MOCOS: variants seen among roughly 807,000 people sequenced by gnomAD.
The protein encoded by MOCOS is molybdenum cofactor sulfurase.
A neutral mutation model predicts 83.6 loss-of-function variants in MOCOS; 86 were observed. The observed-to-expected ratio is 1.03, with a 90% CI of 0.86 to 1.23. The LOEUF is 1.23. Among genes scored for constraint, MOCOS ranks in the 50% most tolerant of loss-of-function variants. The probability of loss-of-function intolerance (pLI) is 0.00; values close to 1 mark genes in which losing one functional copy is unlikely to be tolerated. For synonymous variants in MOCOS, 445 were observed against 434.7 expected (o/e 1.02, Z -0.29); for missense variants, 1,120 against 1,126.9 (o/e 0.99, Z 0.09).
chr18:36,267,932 G>C (rs1170528233), intron 14 of MOCOS, among the ~76,000 whole-genome samples: 2 of 152,136 alleles, frequency 1.3e-5, no homozygotes, highest in East Asian at 3.8e-4. Context: ...CAATCCCCTA[G>C]CCTGGGGCCT....
intron 9 of MOCOS, among the ~76,000 whole-genome samples, chr18:36,222,241 A>T (rs1732361811): frequency 6.6e-6 from 1 of 152,178 alleles, no homozygotes; most frequent in Non-Finnish European, 1.5e-5. Flanking sequence ...TATTTTGGAT[A>T]AGTACCCAGA....
At chr18:36,201,388 G>A (rs1203474952) in intron 4 of MOCOS, among the ~76,000 whole-genome samples, 1 of 152,224 alleles carries the variant, frequency 6.6e-6, no homozygotes, top group Non-Finnish European at 1.5e-5. Context: ...ATTGGGTCGG[G>A]TGTGGTGGCT....
chr18:36,200,361 G>T (rs2091408797), intron 4 of MOCOS, 37 bp downstream of exon 4: 1 of 1,612,024 alleles, frequency 6.2e-7, no homozygotes, highest in Non-Finnish European at 8.5e-7. Flanking sequence ...GAGGAGTTCA[G>T]CAAGGTGGGG....
chr18:36,195,535 G>A (rs942902614), intron 2 of MOCOS, among the ~76,000 whole-genome samples, 189 bp downstream of exon 2: 2 of 152,202 alleles, frequency 1.3e-5, no homozygotes, highest in Admixed American at 6.5e-5. Flanking sequence ...GGGATGGAGG[G>A]AGCTGGCTCA....
At chr18:36,232,662 G>A (rs954780503) in intron 9 of MOCOS, among the ~76,000 whole-genome samples, 1 of 151,930 alleles carries the variant, frequency 6.6e-6, no homozygotes, top group Non-Finnish European at 1.5e-5. Context: ...ACCCGTCCCT[G>A]CTTTTGGTAA....
intron 8 of MOCOS, among the ~76,000 whole-genome samples, chr18:36,218,842 TTTATTTA>T (rs2091484793): frequency 9.5e-6 from 1 of 105,148 alleles, no homozygotes; most frequent in Non-Finnish European, 2.0e-5. Context: ...TTTTATTTTA[TTTATTTA>T]TTTATTTATT....
intron 1 of MOCOS, among the ~76,000 whole-genome samples, chr18:36,193,583 TAACTC>T (rs1480907613): frequency 1.3e-5 from 2 of 152,088 alleles, no homozygotes; most frequent in Non-Finnish European, 2.9e-5. Context: ...ATTCAAAAAT[TAACTC>T]AATGGATCAA....
At chr18:36,259,464 A>AG (rs2091654377) in intron 12 of MOCOS, among the ~76,000 whole-genome samples, 1 of 151,788 alleles carries the variant, frequency 6.6e-6, no homozygotes, top group African/African-American at 2.4e-5. Flanking sequence ...AAAAAAAAAA[A>AG]AAGGTATCAG....
rs1598599819 is a variant in MOCOS, at chr18:36,270,940, A to T, written c.*2255A>T. The T allele has an allele frequency of 6.6e-6, 1 of 151,304 alleles. No homozygotes were observed. The highest frequency in any genetic ancestry group is 1.5e-5 in the Non-Finnish European group (1 of 67,908). 9.4% of individuals were successfully genotyped at this position (151,304 alleles called of 1,614,324 possible). On this transcript the variant is annotated 3_prime_UTR_variant, in exon 15 of 15. Coordinates refer to ENST00000261326, the MANE Select transcript of MOCOS (RefSeq NM_017947.4). The stretch of plus-strand genomic sequence containing the variant: ...AGCGATTCCCCTGCCTCAGCCTCCC[A>T]AGTAGCTGGGACTACAGGCACACAT...
At chr18:36,252,142 A>T (rs1004480206) in intron 11 of MOCOS, among the ~76,000 whole-genome samples, 1 of 152,192 alleles carries the variant, frequency 6.6e-6, no homozygotes, top group African/African-American at 2.4e-5. Context: ...ATACATGGCT[A>T]GATGAATGAA....
At chr18:36,240,724 TC>T (rs1437164278) in intron 9 of MOCOS, among the ~76,000 whole-genome samples, 2 of 152,068 alleles carry the variant, frequency 1.3e-5, no homozygotes, top group Non-Finnish European at 2.9e-5. Flanking sequence ...TGGGCGCCCC[TC>T]CCCCAGCCTC....
chr18:36,237,555 T>A (rs2091564096), intron 9 of MOCOS, among the ~76,000 whole-genome samples: 1 of 152,204 alleles, frequency 6.6e-6, no homozygotes, highest in Admixed American at 6.5e-5. Context: ...TGAGGATTTT[T>A]GCATCAATGT....
intron 13 of MOCOS, among the ~76,000 whole-genome samples, chr18:36,260,412 G>A (rs551120063): frequency 3.9e-5 from 6 of 152,320 alleles, no homozygotes; most frequent in Admixed American, 6.5e-5. Flanking sequence ...GAAGGTGTGC[G>A]AGGGCTCGAC....
chr18:36,220,187 C>T lies in MOCOS; in HGVS notation c.1930C>T (p.Arg644Trp), dbSNP rs757679830. 31 of 1,613,980 alleles carry T rather than the reference C, an allele frequency of 1.9e-5. No homozygotes were observed. Among genetic ancestry groups the T allele is most frequent in the Admixed American group, 5.0e-5 (3 of 59,992 alleles). Residue 644 changes from arginine (R) to tryptophan (W), a missense_variant, in exon 9 of 15, where the codon CGG becomes TGG. Physicochemically the swap from Arg to Trp is moderately radical, Grantham distance 101. Transcript: ENST00000261326. ...LCLIQPFIDL[R>W]QRIMVIKAKG... is the part of the protein sequence containing the mutation. ...CCTGATCCAGCCCTTCATCGACTTGCGGCAAAGGATCATGGTCATCAAAGC... is the reference window on the plus strand; with the variant it reads ...CCTGATCCAGCCCTTCATCGACTTGTGGCAAAGGATCATGGTCATCAAAGC...
At chr18:36,205,035 C>T in intron 5 of MOCOS, 42 bp from the exon 6 acceptor site, 1 of 742,700 alleles carries the variant, frequency 1.3e-6, no homozygotes, top group Non-Finnish European at 2.3e-6. Context: ...TGAGAATTTA[C>T]ATAAAGCTCA....
chr18:36,187,681 G>T lies in MOCOS; in HGVS notation c.142G>T (p.Gly48Ter). The change falls in exon 1 of 15, where the codon GGA becomes TGA. Residue 48 changes from glycine (G) to a stop codon, truncating the protein, a stop_gained and splice_region_variant. Coordinates refer to ENST00000261326, the MANE Select transcript of MOCOS (RefSeq NM_017947.4). LOFTEE classifies it high-confidence loss of function. ...GGCGCGCGAGTTCAGCCGCCTGGCA[G>T]GTGAGGCGGGCGGGCAGGCTTGGGG... is the stretch of plus-strand genomic sequence containing the variant. ...LRAREFSRLA[G>*]TVYLDHAGAT... 7.9e-7 allele frequency: 1 copy of T among 1,265,700 alleles called. No homozygotes were observed. Among genetic ancestry groups the T allele is most frequent in the Non-Finnish European group, 9.9e-7 (1 of 1,005,786 alleles). 78.4% of individuals were successfully genotyped at this position (1,265,700 alleles called of 1,614,324 possible). A position where few individuals can be genotyped will look rare whatever the true frequency, so the allele number is the denominator to read the frequency against.
chr18:36,235,199 G>A (rs1423002373), intron 9 of MOCOS, among the ~76,000 whole-genome samples: 3 of 148,300 alleles, frequency 2.0e-5, no homozygotes, highest in Non-Finnish European at 3.0e-5. Flanking sequence ...AGTTACATAC[G>A]TATACATGTG....
intron 11 of MOCOS, among the ~76,000 whole-genome samples, chr18:36,254,458 C>CTG (rs60813321): frequency 0.2 from 28,039 of 138,228 alleles, 3,065 homozygotes; most frequent in East Asian, 0.33. Flanking sequence ...TACATTATCT[C>CTG]TGTGTGTGTG....
intron 9 of MOCOS, among the ~76,000 whole-genome samples, chr18:36,229,643 T>C (rs2091530629): frequency 6.6e-6 from 1 of 152,138 alleles, no homozygotes; most frequent in Non-Finnish European, 1.5e-5. Context: ...TATATATTGG[T>C]CCACTTGATG....
Sources: allele counts gnomAD v4.1 joint callset (sites outside exome capture counted in the v4.1 genomes callset), GRCh38; gene constraint gnomAD v4.1.1; transcripts MANE v1.5; gene names NCBI Gene and HGNC (gene_info 2026-07-23, HGNC 2026-07-21).